The following SORT1 variants were observed in gnomAD, a reference collection of about 807,000 sequenced individuals.
The protein encoded by SORT1 is sortilin 1, also known as sortilin.
Under a neutral mutation model 101.7 loss-of-function variants are expected in SORT1, and 39 were observed. The observed-to-expected ratio is 0.38, with a 90% CI of 0.30 to 0.50. The LOEUF (loss-of-function observed/expected upper bound fraction) is 0.50. Ranked by LOEUF, SORT1 falls within the 20% of genes least tolerant of loss-of-function variation. SORT1 has a pLI of 0.90. For synonymous variants in SORT1, 396 were observed against 393.7 expected (o/e 1.01, Z -0.07); for missense variants, 878 against 1,040.4 (o/e 0.84, Z 2.15).
At chr1:109,389,189 T>C (rs1173205242) in intron 1 of SORT1, among the ~76,000 whole-genome samples, 1 of 152,182 alleles carries the variant, frequency 6.6e-6, no homozygotes, top group Non-Finnish European at 1.5e-5. Context: ...TATTAAGGAA[T>C]TATACAAATC....
intron 3 of SORT1, 76 bp downstream of exon 3, chr1:109,367,332 T>A: frequency 1.2e-6 from 1 of 825,876 alleles, no homozygotes; most frequent in East Asian, 2.6e-5. Context: ...TTACGTGCCA[T>A]CATGTCTAGA....
chr1:109,373,353 GA>G (rs1392696553), intron 1 of SORT1, among the ~76,000 whole-genome samples: 6 of 151,948 alleles, frequency 3.9e-5, no homozygotes, highest in African/African-American at 1.2e-4. Flanking sequence ...GACTTACACA[GA>G]AAAAAAATTC....
rs1244326039 is a variant in SORT1 at position 109,397,833 on chromosome 1, G to A, written c.60C>T (p.Leu20=). The change falls in exon 1 of 20, where the codon CTC becomes CTT. Residue 20 remains leucine, a synonymous_variant. Transcript: ENST00000256637. ...GLSRWPHGLG[L]LLLLQLLPPS... is the part of the protein sequence containing the mutation. The stretch of plus-strand genomic sequence containing the variant: ...GCGGCAGCAGCTGCAGGAGGAGGAG[G>A]AGGCCGAGGCCATGGGGCCAGCGCG... 3.8e-6 allele frequency: 5 copies of A among 1,301,136 alleles called. No individual in the cohort carries two copies. The highest frequency in any genetic ancestry group is 2.9e-5 in the Admixed American group (1 of 34,110). The allele number at this position is 1,301,136 out of a possible 1,614,324, so 80.6% of individuals were successfully genotyped here.
At chr1:109,328,109 A>G (rs1029007638) in intron 11 of SORT1, among the ~76,000 whole-genome samples, 1 of 152,216 alleles carries the variant, frequency 6.6e-6, no homozygotes, top group African/African-American at 2.4e-5. Context: ...CTGTATCCAC[A>G]CACACCCCAC....
At chr1:109,325,159 G>A (rs1647904694) in intron 13 of SORT1, 70 bp from the exon 14 acceptor site, 1 of 1,012,054 alleles carries the variant, frequency 9.9e-7, no homozygotes, top group Admixed American at 2.6e-5. Context: ...AAACCACTCT[G>A]GCTTTTTGAT....
chr1:109,328,767 A>G (rs144621359), intron 11 of SORT1, among the ~76,000 whole-genome samples: 217 of 152,348 alleles, frequency 1.4e-3, no homozygotes, highest in African/African-American at 5.1e-3. Flanking sequence ...GATATACTTC[A>G]GACACCGTAC....
At chr1:109,361,071 T>A (rs763201603) in intron 3 of SORT1, among the ~76,000 whole-genome samples, 4 of 152,210 alleles carry the variant, frequency 2.6e-5, no homozygotes, top group Non-Finnish European at 5.9e-5. Flanking sequence ...TATTGCAGTC[T>A]GTGCAATTTA....
intron 18 of SORT1, 44 bp downstream of exon 18, chr1:109,314,628 C>G (rs369352027): frequency 1.1e-5 from 15 of 1,362,664 alleles, no homozygotes; most frequent in Non-Finnish European, 1.6e-5. Context: ...GATCAGCCTT[C>G]TGGCTTGAAC....
chr1:109,332,246 G>A (rs974194480), intron 11 of SORT1, among the ~76,000 whole-genome samples: 6 of 152,162 alleles, frequency 3.9e-5, no homozygotes, highest in Non-Finnish European at 8.8e-5. Flanking sequence ...GATGTTTACT[G>A]AGTACCTGCT....
rs977328184 is a variant in SORT1, at chr1:109,346,206, G to C, written c.833-325C>G. ...TGGGCGCCTGTAGTCCCAGCTACTC[G>C]GGAGGCTGAGGCAGGAGAATGGCGT... On this transcript the variant is annotated intron_variant, in intron 7 of 19. Coordinates refer to ENST00000256637, the MANE Select transcript of SORT1 (RefSeq NM_002959.7). 5.6e-4 allele frequency among the ~76,000 whole-genome samples: 84 copies of C among 151,188 alleles called. 2 individuals carry two copies. The highest frequency in any genetic ancestry group is 1.2e-4 in the Non-Finnish European group (8 of 67,750).
At chr1:109,318,236 C>T (rs1396676597) in intron 15 of SORT1, among the ~76,000 whole-genome samples, 1 of 151,754 alleles carries the variant, frequency 6.6e-6, no homozygotes, top group Non-Finnish European at 1.5e-5. Flanking sequence ...TCACTGCAAC[C>T]TCCGCCTCCG....
intron 15 of SORT1, 67 bp downstream of exon 15, chr1:109,322,865 A>G (rs1211210384): frequency 3.0e-6 from 4 of 1,320,648 alleles, no homozygotes; most frequent in Non-Finnish European, 4.3e-6. Flanking sequence ...TTAGCCCTAT[A>G]AGAAAACTGT....
At chr1:109,327,652 T>A in intron 11 of SORT1, 51 bp from the exon 12 acceptor site, 1 of 1,229,010 alleles carries the variant, frequency 8.1e-7, no homozygotes, top group East Asian at 2.5e-5. Flanking sequence ...AAGATACAAT[T>A]TCTTTAATCA....
At chr1:109,333,006 C>A (rs1414248755) in intron 11 of SORT1, among the ~76,000 whole-genome samples, 6 of 152,190 alleles carry the variant, frequency 3.9e-5, no homozygotes, top group African/African-American at 1.4e-4. Flanking sequence ...CGGCTCACTG[C>A]AACCTCCGCC....
At position 109,324,933 on chromosome 1, in the gene SORT1, G is replaced by A. The variant is rs746963247; in HGVS notation, c.1800C>T (p.Tyr600=). 52 of 1,613,210 alleles carry A rather than the reference G, an allele frequency of 3.2e-5. No homozygotes were observed. The highest frequency in any genetic ancestry group is 4.2e-5 in the Non-Finnish European group (50 of 1,179,362). ...ESFLTSQWVS[Y]TIDFKDILER... ...CAAGGATATCTTTAAAATCAATGGT[G>A]TAGGAGACCCACTGGCTGGTCAGGA... The change falls in exon 14 of 20, where the codon TAC becomes TAT. Residue 600 remains tyrosine, a synonymous_variant. Coordinates refer to ENST00000256637, the MANE Select transcript of SORT1 (RefSeq NM_002959.7).
At chr1:109,320,373 C>G (rs1647541078) in intron 15 of SORT1, among the ~76,000 whole-genome samples, 1 of 152,164 alleles carries the variant, frequency 6.6e-6, no homozygotes, top group Non-Finnish European at 1.5e-5. Context: ...TCGTCCATGA[C>G]ATTACCTTCC....
At chr1:109,344,451 C>A (rs780012091) in intron 8 of SORT1, among the ~76,000 whole-genome samples, 5 of 152,198 alleles carry the variant, frequency 3.3e-5, no homozygotes, top group African/African-American at 4.8e-5. Flanking sequence ...GTGCTCCCCC[C>A]ATACTGCCCT....
chr1:109,369,261 G>A (rs1230621540), intron 2 of SORT1, among the ~76,000 whole-genome samples: 9 of 152,200 alleles, frequency 5.9e-5, no homozygotes, highest in Non-Finnish European at 1.3e-4. Flanking sequence ...GGTGGAGGTT[G>A]CAGTGAGCTG....
chr1:109,393,948 C>T (rs913350707), intron 1 of SORT1, among the ~76,000 whole-genome samples: 1 of 151,976 alleles, frequency 6.6e-6, no homozygotes, highest in Admixed American at 6.6e-5. Context: ...CTCACAACCA[C>T]CCTACAAATT....
Sources: gnomAD v4.1 joint callset for allele counts (sites outside exome capture counted in the v4.1 genomes callset) on GRCh38, gnomAD v4.1.1 for gene constraint, MANE v1.5 for transcripts, NCBI Gene and HGNC (gene_info 2026-07-23, HGNC 2026-07-21) for gene names.